ZBTB20: variants seen among roughly 807,000 people sequenced by gnomAD.
ZBTB20 encodes the protein zinc finger and BTB domain-containing protein 20.
ZBTB20 carries 9 observed loss-of-function variants against 56.9 expected under a neutral mutation model. The observed-to-expected ratio is 0.16, with a 90% CI of 0.10 to 0.28. The LOEUF (loss-of-function observed/expected upper bound fraction) is 0.28. Ranked by LOEUF, ZBTB20 falls within the 10% of genes least tolerant of loss-of-function variation. The pLI is 1.00. For synonymous variants in ZBTB20, 417 were observed against 420.7 expected, an observed-to-expected ratio of 0.99 and a Z score of 0.11; for missense variants, 655 against 1,003.0, an observed-to-expected ratio of 0.65 and a Z score of 4.69.
Position 114,767,020 on chromosome 3 carries a change from T to C in ZBTB20, c.-343+34081A>G, listed in dbSNP as rs745902198. ...ATGGTTAAAAATGTAACCTGAGTTC[T>C]TTTTCAATTCTCTATAGAAGTTGGA... On this transcript the variant is annotated intron_variant, in intron 5 of 11. Coordinates refer to ENST00000675478, the MANE Select transcript of ZBTB20 (RefSeq NM_001348800.3). Among the ~76,000 whole-genome samples the C allele has an allele frequency of 3.6e-4, 54 of 152,102 alleles. 1 individual carries two copies. Among genetic ancestry groups the C allele is most frequent in the Admixed American group, 2.2e-3 (33 of 15,266 alleles).
chr3:114,748,341 C>CTTT lies in ZBTB20; in HGVS notation c.-343+52757_-343+52759dup, dbSNP rs753505299. 8.1e-5 allele frequency among the ~76,000 whole-genome samples: 4 copies of CTTT among 49,570 alleles called. No homozygotes were observed. The East Asian group carries it at 2.5e-3, about 31-fold the overall frequency. The allele number at this position is 49,570 out of a possible 152,430, so 32.5% of individuals were successfully genotyped here. Reference sequence around the variant, plus strand: ...TTCTTTCTTTCTTTCTTTCTTCTTTCTTTCTTTCTTTTCTCTCTCTCTCTC... The same window carrying CTTT: ...TTCTTTCTTTCTTTCTTTCTTCTTTCTTTTTTCTTTCTTTTCTCTCTCTCTCTC... On this transcript the variant is annotated intron_variant, in intron 5 of 11. Transcript: ENST00000675478.
chr3:114,376,648 G>A (rs78055242), intron 10 of ZBTB20, among the ~76,000 whole-genome samples: 1,619 of 152,216 alleles, frequency 0.011, 27 homozygotes, highest in African/African-American at 0.037. Context: ...TGCTACCTAC[G>A]GAGCTAAAGT....
intron 1 of ZBTB20, among the ~76,000 whole-genome samples, chr3:115,125,979 A>G (rs181275725): frequency 9.8e-5 from 15 of 152,330 alleles, no homozygotes; most frequent in Admixed American, 7.2e-4. Context: ...TATCTATAAT[A>G]TAAAGAACTC....
chr3:114,949,207 TA>T (rs2107898334), intron 3 of ZBTB20, among the ~76,000 whole-genome samples: 1 of 146,106 alleles, frequency 6.8e-6, no homozygotes, highest in East Asian at 1.9e-4. Context: ...ATCAATTTTT[TA>T]AAAAGAAAAA....
At chr3:114,844,520 CAAAAAAAAAAAA>C (rs71146342) in intron 4 of ZBTB20, among the ~76,000 whole-genome samples, 23 of 22,810 alleles carry the variant, frequency 1.0e-3, no homozygotes, top group East Asian at 6.2e-3. Context: ...GTCCCTGTCT[CAAAAAAAAAAAA>C]AAAAAAAAAA....
chr3:114,851,096 C>T (rs550066514), intron 4 of ZBTB20, among the ~76,000 whole-genome samples: 7 of 152,220 alleles, frequency 4.6e-5, no homozygotes, highest in Non-Finnish European at 8.8e-5. Context: ...TGAGGGATGC[C>T]GAGTCAGCCT....
At chr3:114,937,060 T>C (rs1436459644) in intron 3 of ZBTB20, among the ~76,000 whole-genome samples, 3 of 152,168 alleles carry the variant, frequency 2.0e-5, no homozygotes, top group Admixed American at 2.0e-4. Context: ...TTATTGTGAA[T>C]AGCGCTGCAA....
intron 4 of ZBTB20, among the ~76,000 whole-genome samples, chr3:114,806,182 A>G (rs146403574): frequency 8.9e-4 from 135 of 152,006 alleles, no homozygotes; most frequent in African/African-American, 3.1e-3. Flanking sequence ...ACCACTTTCC[A>G]AAGTGACTAT....
At chr3:114,469,472 T>A (rs929698676) in intron 7 of ZBTB20, among the ~76,000 whole-genome samples, 6 of 152,212 alleles carry the variant, frequency 3.9e-5, no homozygotes, top group Admixed American at 2.6e-4. Flanking sequence ...TTTCCCTTCA[T>A]TTCCCATCTG....
chr3:114,406,523 G>A (rs1256334033), intron 7 of ZBTB20, among the ~76,000 whole-genome samples: 1 of 152,020 alleles, frequency 6.6e-6, no homozygotes, highest in African/African-American at 2.4e-5. Flanking sequence ...TTATAATGAC[G>A]CATTACAAAG....
chr3:114,655,454 T>G (rs1017741166), intron 6 of ZBTB20, among the ~76,000 whole-genome samples: 1 of 150,946 alleles, frequency 6.6e-6, no homozygotes, highest in African/African-American at 2.4e-5. Flanking sequence ...GGGTTTCACC[T>G]TGTTAGCCAG....
intron 3 of ZBTB20, among the ~76,000 whole-genome samples, chr3:114,946,683 A>G (rs1375841441): frequency 6.9e-6 from 1 of 145,754 alleles, no homozygotes; most frequent in African/African-American, 2.8e-5. Flanking sequence ...GAAATCCTTC[A>G]TAGTACTACG....
chr3:114,605,970 T>C (rs751856505), intron 6 of ZBTB20, among the ~76,000 whole-genome samples: 3 of 152,132 alleles, frequency 2.0e-5, no homozygotes, highest in Non-Finnish European at 4.4e-5. Flanking sequence ...AGCACTACTT[T>C]AGATAAGGTG....
rs1384133813 is a variant in ZBTB20, at chr3:114,339,724, C to T, written c.1805-298G>A. ...TCCCCACTAAAAGTCTTCAAGGTCA[C>T]TCCGTGGAAAAGGGAGGGCTACTTT... On this transcript the variant is annotated intron_variant, in intron 11 of 11. Transcript: ENST00000675478. This position sits in a 1 kb window ranked among gnomAD's most constrained non-coding sequence, Gnocchi z 4.2. Among the ~76,000 whole-genome samples the T allele has an allele frequency of 6.6e-6, 1 of 152,154 alleles. No homozygotes were observed. Among genetic ancestry groups the T allele is most frequent in the Non-Finnish European group, 1.5e-5 (1 of 68,036 alleles).
At chr3:114,839,371 A>G (rs911947512) in intron 4 of ZBTB20, among the ~76,000 whole-genome samples, 3 of 146,956 alleles carry the variant, frequency 2.0e-5, no homozygotes, top group Admixed American at 7.0e-5. Flanking sequence ...ACTGCACTCC[A>G]CCCTGCAGCC....
At chr3:114,570,063 G>A (rs972653171) in intron 6 of ZBTB20, among the ~76,000 whole-genome samples, 7 of 151,646 alleles carry the variant, frequency 4.6e-5, no homozygotes, top group Admixed American at 3.3e-4. Context: ...TAGTATAAAG[G>A]GTATTTCTCA....
chr3:114,607,513 G>T (rs2057261743), intron 6 of ZBTB20, among the ~76,000 whole-genome samples: 1 of 151,968 alleles, frequency 6.6e-6, no homozygotes, highest in African/African-American at 2.4e-5. Flanking sequence ...ATGTTTGTCA[G>T]GCTGGTCTCG....
chr3:114,726,551 C>G (rs998639368), intron 5 of ZBTB20, among the ~76,000 whole-genome samples: 1 of 152,142 alleles, frequency 6.6e-6, no homozygotes, highest in Non-Finnish European at 1.5e-5. Flanking sequence ...GCCTAAGAAT[C>G]TGCATTTCTA....
chr3:114,880,998 A>G (rs2076377076), intron 4 of ZBTB20, among the ~76,000 whole-genome samples: 1 of 152,090 alleles, frequency 6.6e-6, no homozygotes, highest in South Asian at 2.1e-4. Context: ...TTAGAAAGGA[A>G]ATATAAATAT....
Sources: gnomAD v4.1 joint callset for allele counts (sites outside exome capture counted in the v4.1 genomes callset) on GRCh38, gnomAD v4.1.1 for gene constraint, Gnocchi (gnomAD v3.1) non-coding constraint, MANE v1.5 for transcripts, NCBI Gene and HGNC (gene_info 2026-07-23, HGNC 2026-07-21) for gene names.